EXT2: variants seen among roughly 807,000 people sequenced by gnomAD.
EXT2 encodes the protein exostosin-2.
In EXT2, 53 loss-of-function variants were observed where a neutral mutation model predicts 81.6. The ratio of observed to expected loss-of-function variants is 0.65; its 90% CI spans 0.52 to 0.82. The LOEUF (loss-of-function observed/expected upper bound fraction) is 0.82, where lower values mean the gene tolerates loss of function less well. Among genes scored for constraint, EXT2 ranks in the 40% least tolerant of loss-of-function variants. The pLI, the probability that EXT2 is intolerant of heterozygous loss-of-function variation, is 0.00. For synonymous variants in EXT2, 320 were observed against 340.0 expected, an observed-to-expected ratio of 0.94 and a Z score of 0.65; for missense variants, 774 against 910.2, an observed-to-expected ratio of 0.85 and a Z score of 1.93.
intron 4 of EXT2, among the ~76,000 whole-genome samples, chr11:44,123,866 T>C (rs1954354315): frequency 6.6e-6 from 1 of 151,468 alleles, no homozygotes; most frequent in Non-Finnish European, 1.5e-5. Flanking sequence ...TTACTAACTT[T>C]GTGTTTCCAT....
In EXT2 at chr11:44,126,823, C is replaced by G; in HGVS notation, c.947C>G (p.Thr316Ser). Residue 316 changes from threonine to serine, a missense_variant, in exon 6 of 14, where the codon ACT becomes AGT. Around this residue, in one of 2 missense-constraint regions of EXT2, gnomAD observed 626 missense variants for 670.5 expected, o/e 0.93. Coordinates refer to ENST00000533608, the MANE Select transcript of EXT2 (RefSeq NM_207122.2). ...FDYPQVLQEA[T>S]FCVVLRGARL... is the part of the protein sequence containing the mutation. Reference sequence around the variant, plus strand: ...CTCTTTGTGTTCCTGCAGGAGGCTACTTTCTGTGTGGTTCTTCGTGGAGCT... The same window carrying G: ...CTCTTTGTGTTCCTGCAGGAGGCTAGTTTCTGTGTGGTTCTTCGTGGAGCT... The G allele has an allele frequency of 6.2e-7, 1 of 1,614,184 alleles. No individual in the cohort carries two copies. Among genetic ancestry groups the G allele is most frequent in the East Asian group, 2.2e-5 (1 of 44,890 alleles).
At chr11:44,122,052 G>T (rs562297693) in intron 4 of EXT2, among the ~76,000 whole-genome samples, 55 of 152,076 alleles carry the variant, frequency 3.6e-4, no homozygotes, top group Middle Eastern at 6.8e-3. Context: ...TACTCCTCTT[G>T]GATGCCCACC....
chr11:44,116,044 C>T (rs1954217596), intron 4 of EXT2: 1 of 152,106 alleles, frequency 6.6e-6, no homozygotes, highest in Non-Finnish European at 1.5e-5. Context: ...ATAAAATTTA[C>T]TCTTTTAATG....
intron 5 of EXT2, among the ~76,000 whole-genome samples, chr11:44,125,758 C>A (rs1299866256): frequency 6.6e-6 from 1 of 152,000 alleles, no homozygotes; most frequent in Admixed American, 6.6e-5. Context: ...TGCACTCCTC[C>A]TGGAATGTCT....
At chr11:44,225,504 TG>T (rs1020295659) in intron 10 of EXT2, among the ~76,000 whole-genome samples, 6 of 152,206 alleles carry the variant, frequency 3.9e-5, no homozygotes, top group Admixed American at 1.3e-4. Flanking sequence ...TCTCCCTACC[TG>T]GTTCTATTCT....
intron 13 of EXT2, among the ~76,000 whole-genome samples, chr11:44,239,850 G>A (rs749669686): frequency 6.6e-6 from 1 of 151,792 alleles, no homozygotes; most frequent in African/African-American, 2.4e-5. Context: ...GTCATCCCTC[G>A]GTATCCACAG....
chr11:44,148,301 C>G (rs1954748369), intron 7 of EXT2, among the ~76,000 whole-genome samples: 1 of 152,188 alleles, frequency 6.6e-6, no homozygotes, highest in African/African-American at 2.4e-5. Flanking sequence ...TCAAGATGGA[C>G]ACATAACAGT....
intron 7 of EXT2, among the ~76,000 whole-genome samples, chr11:44,171,036 T>C (rs1311534942): frequency 2.0e-5 from 3 of 152,222 alleles, no homozygotes; most frequent in African/African-American, 7.2e-5. Context: ...CTGACTTAGA[T>C]ATTATAAGTG....
intron 8 of EXT2, among the ~76,000 whole-genome samples, chr11:44,182,790 T>C (rs1246065159): frequency 1.3e-5 from 2 of 152,222 alleles, no homozygotes; most frequent in Non-Finnish European, 2.9e-5. Flanking sequence ...GGTGCAATAT[T>C]ATTATTTAAT....
chr11:44,162,767 G>T (rs1272448232), intron 7 of EXT2, among the ~76,000 whole-genome samples: 2 of 152,054 alleles, frequency 1.3e-5, no homozygotes, highest in Non-Finnish European at 1.5e-5. Context: ...TAACTGATAG[G>T]TGAAGATGGT....
chr11:44,139,198 CTT>C (rs34792656), intron 7 of EXT2, among the ~76,000 whole-genome samples: 1 of 134,858 alleles, frequency 7.4e-6, no homozygotes, highest in Admixed American at 7.5e-5. Flanking sequence ...TTTAGCTGAC[CTT>C]TTTTTTTTTT....
Position 44,222,312 on chromosome 11 carries a change from T to C in EXT2, c.1663-10041T>C, listed in dbSNP as rs541185758. On this transcript the variant is annotated intron_variant, in intron 10 of 13. Transcript: ENST00000533608. ...ATCCACAGCAGAGATCTGGGCTTGATTGAAAGCCTCTTCTCCAGTGTGGTC... is the reference window on the plus strand; with the variant it reads ...ATCCACAGCAGAGATCTGGGCTTGACTGAAAGCCTCTTCTCCAGTGTGGTC... Among the ~76,000 whole-genome samples, 4 of 152,340 alleles carry C rather than the reference T, an allele frequency of 2.6e-5. No homozygotes were observed. The South Asian group carries it at 8.3e-4, about 32-fold the overall frequency.
At chr11:44,142,267 T>C (rs7945699) in intron 7 of EXT2, among the ~76,000 whole-genome samples, 9,338 of 152,300 alleles carry the variant, frequency 0.061, 423 homozygotes, top group Middle Eastern at 0.16. Flanking sequence ...TAATTTATAG[T>C]TTTATAATAG....
chr11:44,140,524 T>C (rs1432872113), intron 7 of EXT2, among the ~76,000 whole-genome samples: 1 of 152,130 alleles, frequency 6.6e-6, no homozygotes, highest in Non-Finnish European at 1.5e-5. Flanking sequence ...AGCAGACAGC[T>C]GAGGGGAAGG....
At chr11:44,170,597 C>G (rs1047136936) in intron 7 of EXT2, among the ~76,000 whole-genome samples, 3 of 151,966 alleles carry the variant, frequency 2.0e-5, no homozygotes, top group African/African-American at 7.3e-5. Context: ...GAAAACACAA[C>G]AGTATCAGGA....
intron 8 of EXT2, 167 bp downstream of exon 8, chr11:44,171,909 T>C: frequency 1.0e-6 from 1 of 977,924 alleles, no homozygotes; most frequent in Non-Finnish European, 1.6e-6. Context: ...TTTGAAACAC[T>C]GACAAAAGTA....
chr11:44,103,566 T>C, intron 1 of EXT2: 1 of 386,338 alleles, frequency 2.6e-6, no homozygotes, highest in East Asian at 7.8e-5. Flanking sequence ...CCTCTTTTTT[T>C]TCTGAACTCT....
rs117170203 is a variant in EXT2 at position 44,113,069 on chromosome 11, A to T, written c.627-1116A>T. Among the ~76,000 whole-genome samples, 9 of 152,354 alleles carry T rather than the reference A, an allele frequency of 5.9e-5. No individual in the cohort carries two copies. In the East Asian group the frequency reaches 1.7e-3, roughly 29 times the overall value. On this transcript the variant is annotated intron_variant, in intron 3 of 13. Coordinates refer to ENST00000533608, the MANE Select transcript of EXT2 (RefSeq NM_207122.2). ...AGGAAAAATAAGACCGTATGTTGGT[A>T]CTAAGGATAGTTATTACATTTTACA... is the stretch of plus-strand genomic sequence containing the variant.
At chr11:44,207,058 C>T in intron 10 of EXT2, 99 bp downstream of exon 10, 2 of 1,390,514 alleles carry the variant, frequency 1.4e-6, no homozygotes, top group Non-Finnish European at 2.0e-6. Context: ...TCTTAAAAGT[C>T]AGAGTTTCTA....
Sources: allele counts gnomAD v4.1 joint callset (sites outside exome capture counted in the v4.1 genomes callset), GRCh38; gene constraint gnomAD v4.1.1; regional missense constraint gnomAD v4.1.1; transcripts MANE v1.5; gene names NCBI Gene and HGNC (gene_info 2026-07-23, HGNC 2026-07-21).